The following EMC7 variants were observed in gnomAD, a reference collection of about 807,000 sequenced individuals.
The protein encoded by EMC7 is ER membrane protein complex subunit 7.
Under a neutral mutation model 24.4 loss-of-function variants are expected in EMC7, and 4 were observed. The observed-to-expected ratio is 0.16, with a 90% confidence interval of 0.08 to 0.38. The LOEUF (loss-of-function observed/expected upper bound fraction) is 0.38, where lower values mean the gene tolerates loss of function less well. Ranked by LOEUF, EMC7 falls within the 10% of genes least tolerant of loss-of-function variation. The pLI is 1.00. For missense variants in EMC7, 221 were observed against 300.6 expected (o/e 0.74, Z 1.96); for synonymous variants, 106 against 112.0 (o/e 0.95, Z 0.34).
chr15:34,092,610 T>C (rs1443942675), intron 2 of EMC7, among the ~76,000 whole-genome samples: 5 of 152,188 alleles, frequency 3.3e-5, no homozygotes. Flanking sequence ...CCTCCCAAAG[T>C]GCTGGGATTA....
chr15:34,089,492 T>C (rs1824236847), intron 3 of EMC7, among the ~76,000 whole-genome samples: 1 of 152,228 alleles, frequency 6.6e-6, no homozygotes, highest in African/African-American at 2.4e-5. Context: ...ATTAGTGTTT[T>C]ATTATTAGTG....
At chr15:34,088,202 T>G (rs1294320439) in intron 3 of EMC7, 69 bp from the exon 4 acceptor site, 11 of 1,267,148 alleles carry the variant, frequency 8.7e-6, no homozygotes, top group Non-Finnish European at 1.2e-5. Flanking sequence ...AAACTGCACT[T>G]AACAACCAAT....
rs1856130060 is a variant in EMC7 at position 34,084,164 on chromosome 15, T to C, written c.*170A>G. ...ACAGACAAAAGATGAAAGCTGGGTTTTCTCGTGTACCAAGTACAAAACATG... is the reference window on the plus strand; with the variant it reads ...ACAGACAAAAGATGAAAGCTGGGTTCTCTCGTGTACCAAGTACAAAACATG... On this transcript the variant is annotated 3_prime_UTR_variant, in exon 5 of 5. Transcript: ENST00000256545. 1.3e-6 allele frequency: 1 copy of C among 751,608 alleles called. No homozygotes were observed. Among genetic ancestry groups the C allele is most frequent in the East Asian group, 2.8e-5 (1 of 35,500 alleles). 46.6% of individuals were successfully genotyped at this position (751,608 alleles called of 1,614,324 possible).
Position 34,098,457 on chromosome 15 carries a change from C to CTTT in EMC7, c.237-2446_237-2444dup, listed in dbSNP as rs560201784. ...CCTGACTGAACCAATTTCTTTCTTT[C>CTTT]TTTTTTTTTTTTTTTTGAGACAGAG... On this transcript the variant is annotated intron_variant, in intron 1 of 4. Coordinates refer to ENST00000256545, the MANE Select transcript of EMC7 (RefSeq NM_020154.3). 1.4e-4 allele frequency among the ~76,000 whole-genome samples: 18 copies of CTTT among 132,308 alleles called. 1 individual carries two copies. The highest frequency in any genetic ancestry group is 3.4e-4 in the African/African-American group (12 of 35,088). The allele number at this position is 132,308 out of a possible 152,430, so 86.8% of individuals were successfully genotyped here.
At chr15:34,088,299 A>G (rs1261152980) in intron 3 of EMC7, among the ~76,000 whole-genome samples, 166 bp from the exon 4 acceptor site, 2 of 152,206 alleles carry the variant, frequency 1.3e-5, no homozygotes, top group Non-Finnish European at 2.9e-5. Flanking sequence ...GATGATAGCA[A>G]GGGGCTGTCT....
intron 4 of EMC7, among the ~76,000 whole-genome samples, chr15:34,085,485 AT>A (rs963859759): frequency 6.6e-6 from 1 of 151,044 alleles, no homozygotes; most frequent in African/African-American, 2.4e-5. Flanking sequence ...CATTTCTTTC[AT>A]TTTTTTCTTT....
Position 34,088,037 on chromosome 15 carries a change from T to G in EMC7, c.576+16A>C. 6.3e-7 allele frequency: 1 copy of G among 1,593,510 alleles called. No homozygotes were observed. Among genetic ancestry groups the G allele is most frequent in the Non-Finnish European group, 8.5e-7 (1 of 1,173,446 alleles). On this transcript the variant is annotated intron_variant, in intron 4 of 4. Transcript: ENST00000256545. ...TCTTAAAAAAAAAAAAATCCATAGC[T>G]GGACCATCATCTTACCCGTCTCATG...
intron 2 of EMC7, among the ~76,000 whole-genome samples, chr15:34,092,202 T>C (rs1039724135): frequency 4.8e-5 from 7 of 146,656 alleles, no homozygotes; most frequent in Non-Finnish European, 9.0e-5. Context: ...GAAGTGGAGA[T>C]TGTAGTGAGC....
intron 1 of EMC7, among the ~76,000 whole-genome samples, chr15:34,099,874 T>C (rs1413304783): frequency 1.3e-5 from 2 of 152,092 alleles, no homozygotes; most frequent in African/African-American, 4.8e-5. Flanking sequence ...CAAAGTAAGA[T>C]TACAGGTATG....
chr15:34,097,843 C>T (rs988928215), intron 1 of EMC7, among the ~76,000 whole-genome samples: 1 of 151,878 alleles, frequency 6.6e-6, no homozygotes, highest in Non-Finnish European at 1.5e-5. Flanking sequence ...GTGGCATGCG[C>T]GTGTAGTCCC....
rs775268525 is a variant in EMC7, at chr15:34,084,307, TG to T, written c.*26del. The T allele has an allele frequency of 1.0e-5, 16 of 1,600,058 alleles. No homozygotes were observed. The Admixed American group carries it at 2.7e-4, about 27-fold the overall frequency. ...ATGCCACCCAGTGTTGCCGTGTTTG[TG>T]CAAATGCCAGCTCTGGACGGCCTGA... On this transcript the variant is annotated 3_prime_UTR_variant, in exon 5 of 5. Coordinates refer to ENST00000256545, the MANE Select transcript of EMC7 (RefSeq NM_020154.3).
At chr15:34,096,542 A>G (rs967833772) in intron 1 of EMC7, among the ~76,000 whole-genome samples, 2 of 152,194 alleles carry the variant, frequency 1.3e-5, no homozygotes. Flanking sequence ...GAGAAGCCTG[A>G]CATAGAAAGT....
chr15:34,086,048 C>G (rs1900881445), intron 4 of EMC7: 1 of 313,046 alleles, frequency 3.2e-6, no homozygotes, highest in Non-Finnish European at 6.2e-6. Context: ...TGTTGCAGAT[C>G]AGCAGTACTT....
chr15:34,086,554 A>G (rs1900891319), intron 4 of EMC7, among the ~76,000 whole-genome samples: 1 of 152,086 alleles, frequency 6.6e-6, no homozygotes, highest in Admixed American at 6.6e-5. Flanking sequence ...TCAGCCTCCC[A>G]AGTAGCTCAG....
intron 2 of EMC7, among the ~76,000 whole-genome samples, chr15:34,093,770 C>T (rs1467228461): frequency 1.9e-5 from 2 of 105,378 alleles, no homozygotes; most frequent in Admixed American, 1.2e-4. Context: ...TTTACATATA[C>T]ACATATATGT....
intron 1 of EMC7, among the ~76,000 whole-genome samples, chr15:34,099,928 A>G (rs1901148824): frequency 6.6e-6 from 1 of 152,240 alleles, no homozygotes; most frequent in African/African-American, 2.4e-5. Flanking sequence ...TCTACATACA[A>G]ATAAAGAACA....
At chr15:34,088,715 C>T (rs1031279455) in intron 3 of EMC7, among the ~76,000 whole-genome samples, 8 of 152,072 alleles carry the variant, frequency 5.3e-5, no homozygotes, top group African/African-American at 1.4e-4. Context: ...CCAGTCTCCC[C>T]CCGCCTCTTT....
rs1205570301 is a variant in EMC7 at position 34,084,057 on chromosome 15, TGTATA to T, written c.*272_*276del. 1 of 286,452 alleles carries T rather than the reference TGTATA, an allele frequency of 3.5e-6. No homozygotes were observed. Among genetic ancestry groups the T allele is most frequent in the Non-Finnish European group, 6.4e-6 (1 of 156,816 alleles). The allele number at this position is 286,452 out of a possible 1,614,324, so 17.7% of individuals were successfully genotyped here. ...AAGATGTTTTAATTAATATACATAA[TGTATA>T]GTAGTTCATATAATTTATTAATGGC... On this transcript the variant is annotated 3_prime_UTR_variant, in exon 5 of 5. Transcript: ENST00000256545.
chr15:34,099,741 G>A (rs1388354699), intron 1 of EMC7, among the ~76,000 whole-genome samples: 1 of 151,998 alleles, frequency 6.6e-6, no homozygotes, highest in Non-Finnish European at 1.5e-5. Context: ...GAGTAGCTTG[G>A]ACTACAGGTG....
Sources: gnomAD v4.1 joint callset for allele counts (sites outside exome capture counted in the v4.1 genomes callset) on GRCh38, gnomAD v4.1.1 for gene constraint, MANE v1.5 for transcripts, NCBI Gene and HGNC (gene_info 2026-07-23, HGNC 2026-07-21) for gene names.